The following RGS3 variants were observed in gnomAD, a reference collection of about 807,000 sequenced individuals.
RGS3 encodes the protein regulator of G protein signaling 3.
RGS3 carries 80 observed loss-of-function variants against 132.6 expected under a neutral mutation model. That is an observed-to-expected ratio of 0.60 (90% CI 0.50 to 0.73). The LOEUF is 0.73. Ranked by LOEUF, RGS3 falls within the 30% of genes least tolerant of loss-of-function variation. The probability of loss-of-function intolerance (pLI) is 0.00; values close to 1 mark genes in which losing one functional copy is unlikely to be tolerated. For synonymous variants in RGS3, 598 were observed against 620.6 expected, an observed-to-expected ratio of 0.96 and a Z score of 0.54; for missense variants, 1,382 against 1,530.8, an observed-to-expected ratio of 0.90 and a Z score of 1.62.
At chr9:113,485,419 T>C (rs1252666050) in intron 6 of RGS3, among the ~76,000 whole-genome samples, 1 of 152,238 alleles carries the variant, frequency 6.6e-6, no homozygotes, top group African/African-American at 2.4e-5. Flanking sequence ...AATAGCATGT[T>C]GTAACCTCCT....
chr9:113,593,902 C>T, intron 21 of RGS3: 1 of 1,587,928 alleles, frequency 6.3e-7, no homozygotes, highest in Non-Finnish European at 8.6e-7. Context: ...CACCCCCCAC[C>T]ACTGTCTCCC....
At chr9:113,596,425 T>G (rs1406055843) in intron 24 of RGS3, among the ~76,000 whole-genome samples, 1 of 152,222 alleles carries the variant, frequency 6.6e-6, no homozygotes, top group African/African-American at 2.4e-5. Context: ...CTTTGAGGAA[T>G]GTACTATTAT....
At position 113,484,223 on chromosome 9, in the gene RGS3, ACTT is replaced by A. The variant is rs762481352; in HGVS notation, c.618_620del (p.Phe207del). On this transcript the variant is annotated inframe_deletion, in exon 6 of 25. Coordinates refer to ENST00000350696, the Ensembl canonical transcript of RGS3. ...TGCAGAGACCCGGCTTTCCACGAGC[ACTT>A]CTTCTTGTAAGAGTCTGGTGCAGCT... The A allele has an allele frequency of 3.6e-5, 57 of 1,596,030 alleles. 1 individual carries two copies. In the Middle Eastern group the frequency reaches 2.0e-3, roughly 56 times the overall value.
chr9:113,497,952 C>A, intron 9 of RGS3, 73 bp from the exon 8 acceptor site: 1 of 1,496,470 alleles, frequency 6.7e-7, no homozygotes, highest in Non-Finnish European at 9.3e-7. Context: ...CCAGTGCTGT[C>A]CTCTGGGTGG....
intron 18 of RGS3, 97 bp downstream of exon 16, chr9:113,529,361 C>T (rs1432366783): frequency 2.9e-6 from 3 of 1,050,394 alleles, no homozygotes; most frequent in South Asian, 2.5e-5. Flanking sequence ...CTGATGCCAG[C>T]CTCCATACCC....
At chr9:113,512,187 G>T (rs1330254696) in intron 14 of RGS3, among the ~76,000 whole-genome samples, 1 of 152,202 alleles carries the variant, frequency 6.6e-6, no homozygotes, top group African/African-American at 2.4e-5. Flanking sequence ...GGAAGTCAGT[G>T]ATCAAGCTCG....
chr9:113,485,038 T>G (rs534510264), intron 6 of RGS3, among the ~76,000 whole-genome samples: 1 of 152,220 alleles, frequency 6.6e-6, no homozygotes, highest in South Asian at 2.1e-4. Context: ...CGTGTGGGTG[T>G]GTATGTTTGC....
chr9:113,531,096 G>A (rs184932915), intron 18 of RGS3, among the ~76,000 whole-genome samples: 5 of 152,340 alleles, frequency 3.3e-5, no homozygotes, highest in Admixed American at 3.3e-4. Flanking sequence ...TGGCAGCTCT[G>A]ATTGTTCTCT....
chr9:113,583,385 G>C, intron 19 of RGS3, 65 bp from the exon 18 acceptor site: 6 of 1,568,144 alleles, frequency 3.8e-6, no homozygotes, highest in Non-Finnish European at 5.2e-6. Flanking sequence ...GTCAGCTCAT[G>C]CATGGTGTCT....
chr9:113,592,188 C>T (rs1835471232), intron 21 of RGS3: 1 of 152,366 alleles, frequency 6.6e-6, no homozygotes, highest in South Asian at 2.1e-4. Flanking sequence ...CTTCCTCACC[C>T]CAGCTGCCTT....
intron 18 of RGS3, among the ~76,000 whole-genome samples, chr9:113,531,644 A>C (rs1588209537): frequency 1.3e-5 from 2 of 152,374 alleles, no homozygotes; most frequent in Admixed American, 1.3e-4. Flanking sequence ...GCTAAGAGGA[A>C]TAGCTCATAT....
At chr9:113,485,476 G>A (rs1830303097) in intron 6 of RGS3, 149 bp from the exon 5 acceptor site, 2 of 589,860 alleles carry the variant, frequency 3.4e-6, no homozygotes, top group African/African-American at 3.7e-5. Context: ...CATGGAGGTA[G>A]TCATCTCTTA....
chr9:113,553,460 ATATATATATAT>A (rs1348132177), intron 19 of RGS3, among the ~76,000 whole-genome samples: 2 of 49,828 alleles, frequency 4.0e-5, no homozygotes, highest in African/African-American at 1.6e-4. Flanking sequence ...AAAAAAAAAA[ATATATATATAT>A]ATATATATAT....
intron 17 of RGS3, among the ~76,000 whole-genome samples, chr9:113,524,963 G>C (rs1832134968): frequency 6.6e-6 from 1 of 152,208 alleles, no homozygotes; most frequent in Non-Finnish European, 1.5e-5. Flanking sequence ...AGACTCTCCA[G>C]GTGCTGAGCT....
At chr9:113,586,641 C>T (rs143327870) in intron 20 of RGS3, among the ~76,000 whole-genome samples, 32 of 152,346 alleles carry the variant, frequency 2.1e-4, no homozygotes, top group African/African-American at 7.0e-4. Context: ...GGCTTCCACA[C>T]ACCAGTTCCT....
chr9:113,537,021 A>G lies in RGS3; in HGVS notation c.2037+103A>G. On this transcript the variant is annotated intron_variant, in intron 19 of 24. Transcript: ENST00000350696. The surrounding 1 kb of genome is among the most constrained non-coding windows in gnomAD (Gnocchi z 4.3). ...GAGCTGGGGGCCAGCCTGAGCTTCC[A>G]ACTTGGCTCTGGGCAATGAGCTCTT... is the stretch of plus-strand genomic sequence containing the variant. The G allele has an allele frequency of 1.7e-6, 2 of 1,160,664 alleles. No homozygotes were observed. The highest frequency in any genetic ancestry group is 2.4e-6 in the Non-Finnish European group (2 of 817,884). 71.9% of individuals were successfully genotyped at this position (1,160,664 alleles called of 1,614,324 possible).
intron 17 of RGS3, among the ~76,000 whole-genome samples, chr9:113,524,528 C>T (rs1832110217): frequency 6.6e-6 from 1 of 152,228 alleles, no homozygotes; most frequent in South Asian, 2.1e-4. Flanking sequence ...AAGCAAGGCT[C>T]ACACTGGCTA....
chr9:113,558,988 TG>T (rs1471124220), intron 19 of RGS3, among the ~76,000 whole-genome samples: 1 of 152,152 alleles, frequency 6.6e-6, no homozygotes, highest in Non-Finnish European at 1.5e-5. Context: ...TTGGAGGTGG[TG>T]GGGGGGATTG....
At chr9:113,534,688 T>C (rs1173926773) in intron 18 of RGS3, among the ~76,000 whole-genome samples, 1 of 151,608 alleles carries the variant, frequency 6.6e-6, no homozygotes. Context: ...CATTGCTTAC[T>C]GTAGCCTCAA....
Sources: allele counts gnomAD v4.1 joint callset (sites outside exome capture counted in the v4.1 genomes callset), GRCh38; gene constraint gnomAD v4.1.1; non-coding constraint Gnocchi (gnomAD v3.1); transcripts MANE v1.5; gene names NCBI Gene and HGNC (gene_info 2026-07-23, HGNC 2026-07-21).